Variants in PSMA7 observed in about 807,000 individuals in gnomAD.
The protein encoded by PSMA7 is proteasome 20S subunit alpha 7.
In PSMA7, 5 loss-of-function variants were observed where a neutral mutation model predicts 31.3. The ratio of observed to expected loss-of-function variants is 0.16; its 90% CI spans 0.08 to 0.34. The LOEUF is 0.34. Among genes scored for constraint, PSMA7 ranks in the 10% least tolerant of loss-of-function variants. PSMA7 has a pLI of 1.00. For synonymous variants in PSMA7, 155 were observed against 121.9 expected (o/e 1.27, Z -1.79); for missense variants, 217 against 327.5 (o/e 0.66, Z 2.60).
chr20:62,142,804 C>A (rs982080899), intron 1 of PSMA7, among the ~76,000 whole-genome samples: 1 of 152,050 alleles, frequency 6.6e-6, no homozygotes, highest in Non-Finnish European at 1.5e-5. Context: ...AGCCCCCCAG[C>A]GAGCGCACGG....
At position 62,137,444 on chromosome 20, in the gene PSMA7, CAGG is replaced by C. The variant is rs1240480633; in HGVS notation, c.592-21_592-19del. On this transcript the variant is annotated intron_variant, in intron 5 of 6. Transcript: ENST00000370873. ...TGAACCACCTTGAAGGGACAGAAGACAGGAGCATTAACCACCTTTCCCTATTCA... is the reference window on the plus strand; with the variant it reads ...TGAACCACCTTGAAGGGACAGAAGACAGCATTAACCACCTTTCCCTATTCA... 1.2e-6 allele frequency: 2 copies of C among 1,613,388 alleles called. No homozygotes were observed. The highest frequency in any genetic ancestry group is 2.2e-5 in the South Asian group (2 of 91,056).
At position 62,139,778 on chromosome 20, in the gene PSMA7, C is replaced by T. The variant is rs1248779506; in HGVS notation, c.348+3G>A. The T allele has an allele frequency of 1.2e-6, 2 of 1,613,956 alleles. No individual in the cohort carries two copies. Among genetic ancestry groups the T allele is most frequent in the South Asian group, 1.1e-5 (1 of 91,090 alleles). On this transcript the variant is annotated splice_donor_region_variant and intron_variant, in intron 3 of 6. Coordinates refer to ENST00000370873, the MANE Select transcript of PSMA7 (RefSeq NM_002792.4). ...GTGAGCATGCAAGCGGGCAGGCACC[C>T]ACCTGCTTCAGACTGGCGATGTAGC...
In PSMA7 at chr20:62,136,881, C is replaced by T. The variant is rs769116403; in HGVS notation, c.723G>A (p.Lys241=). 58 of 1,599,076 alleles carry T rather than the reference C, an allele frequency of 3.6e-5. No individual in the cohort carries two copies. Among genetic ancestry groups the T allele is most frequent in the Non-Finnish European group, 4.6e-5 (54 of 1,174,994 alleles). The change falls in exon 7 of 7, where the codon AAG becomes AAA. Residue 241 remains lysine, a synonymous_variant. Coordinates refer to ENST00000370873, the MANE Select transcript of PSMA7 (RefSeq NM_002792.4). ...EIEKEKEENE[K]KKQKKAS is the part of the protein sequence containing the mutation. ...ATCATGATGCTTTCTTTTGTTTCTT[C>T]TTTTCGTTTTCTTCTTTTTCTTTTT...
At chr20:62,139,973 T>C (rs1284212800) in intron 2 of PSMA7, 68 bp from the exon 3 acceptor site, 23 of 1,556,526 alleles carry the variant, frequency 1.5e-5, no homozygotes, top group Non-Finnish European at 1.8e-5. Context: ...ACAGACACGA[T>C]GACCCAGCAT....
In PSMA7 at chr20:62,143,256, G is replaced by T; in HGVS notation, c.48C>A (p.Leu16=). Residue 16 remains leucine (L), a synonymous_variant, in exon 1 of 7, where the codon CTC becomes CTA. Transcript: ENST00000370873. The part of the protein sequence containing the change: ...AITVFSPDGH[L]FQVEYAQEAV... The stretch of plus-strand genomic sequence containing the variant: ...CCTCCTGCGCGTACTCCACTTGGAA[G>T]AGGTGGCCGTCGGGCGAGAAGACGG... 6.8e-7 allele frequency: 1 copy of T among 1,480,306 alleles called. No homozygotes were observed. Among genetic ancestry groups the T allele is most frequent in the East Asian group, 3.0e-5 (1 of 33,304 alleles). The allele number at this position is 1,480,306 out of a possible 1,614,324, so 91.7% of individuals were successfully genotyped here. A position where few individuals can be genotyped will look rare whatever the true frequency, so the allele number is the denominator to read the frequency against.
chr20:62,139,525 G>T, intron 3 of PSMA7: 1 of 719,956 alleles, frequency 1.4e-6, no homozygotes, highest in Non-Finnish European at 2.3e-6. Context: ...TGGTCACTCA[G>T]GATGGCAAGA....
intron 5 of PSMA7, among the ~76,000 whole-genome samples, chr20:62,137,767 T>C (rs573413904): frequency 3.3e-5 from 5 of 152,192 alleles, no homozygotes; most frequent in Non-Finnish European, 7.4e-5. Context: ...TTTTACCTGC[T>C]AGCACTTCAA....
In PSMA7 at chr20:62,139,976, C is replaced by T. The variant is rs1197291615; in HGVS notation, c.224-71G>A. 5.2e-6 allele frequency: 8 copies of T among 1,550,210 alleles called. No individual in the cohort carries two copies. The East Asian group carries it at 1.6e-4, about 31-fold the overall frequency. ...TACAGGGTGGGGACAGACACGATGA[C>T]CCAGCATTTAACCTTCCACAGACCC... On this transcript the variant is annotated intron_variant, in intron 2 of 6. Transcript: ENST00000370873.
Position 62,140,735 on chromosome 20 carries a change from C to T in PSMA7, c.223+83G>A. 4 of 1,509,638 alleles carry T rather than the reference C, an allele frequency of 2.6e-6. No individual in the cohort carries two copies. The South Asian group carries it at 4.8e-5, about 18-fold the overall frequency. 93.5% of individuals were successfully genotyped at this position (1,509,638 alleles called of 1,614,324 possible). A position where few individuals can be genotyped will look rare whatever the true frequency, so the allele number is the denominator to read the frequency against. On this transcript the variant is annotated intron_variant, in intron 2 of 6. Transcript: ENST00000370873. ...ACTCAGTTTATATGGCTCACAATAG[C>T]CCACACACCCAAGTTAATCTCCAAA...
chr20:62,138,630 C>T (rs1304437838), intron 4 of PSMA7, among the ~76,000 whole-genome samples: 1 of 149,180 alleles, frequency 6.7e-6, no homozygotes, highest in African/African-American at 2.5e-5. Flanking sequence ...TCTCGGCTCA[C>T]TGCAACCTAT....
rs543216516 is a variant in PSMA7 at position 62,143,244 on chromosome 20, C to T, written c.60G>A (p.Glu20=). The T allele has an allele frequency of 5.4e-6, 8 of 1,476,782 alleles. No individual in the cohort carries two copies. Among genetic ancestry groups the T allele is most frequent in the African/African-American group, 4.4e-5 (3 of 67,682 alleles). 91.5% of individuals were successfully genotyped at this position (1,476,782 alleles called of 1,614,324 possible). A position where few individuals can be genotyped will look rare whatever the true frequency, so the allele number is the denominator to read the frequency against. Residue 20 remains glutamate, a synonymous_variant, in exon 1 of 7, where the codon GAG becomes GAA. Coordinates refer to ENST00000370873, the MANE Select transcript of PSMA7 (RefSeq NM_002792.4). ...CCTTCTTGACGGCCTCCTGCGCGTA[C>T]TCCACTTGGAAGAGGTGGCCGTCGG... The part of the protein sequence containing the change: ...FSPDGHLFQV[E]YAQEAVKKGS...
chr20:62,140,259 G>A (rs936236109), intron 2 of PSMA7, among the ~76,000 whole-genome samples: 1 of 152,238 alleles, frequency 6.6e-6, no homozygotes, highest in Admixed American at 6.5e-5. Context: ...TGCATATGAA[G>A]AATTGTGTAC....
intron 6 of PSMA7, 96 bp from the exon 7 acceptor site, chr20:62,137,045 C>G: frequency 6.8e-7 from 1 of 1,479,356 alleles, no homozygotes; most frequent in Non-Finnish European, 9.2e-7. Flanking sequence ...GGCACTGCTG[C>G]TCATACAGCC....
chr20:62,137,254 G>T, intron 6 of PSMA7, 110 bp downstream of exon 6: 2 of 1,180,236 alleles, frequency 1.7e-6, no homozygotes, highest in Non-Finnish European at 2.5e-6. Context: ...TTTTCCTAAT[G>T]TTAAAACCAC....
chr20:62,137,866 C>T lies in PSMA7; in HGVS notation c.591+305G>A, dbSNP rs555335766. ...GCCTCTGGAAGGCCTAGTGATGGCT[C>T]GAGAACAGATTCCACAGCTGGACAG... On this transcript the variant is annotated intron_variant, in intron 5 of 6. Transcript: ENST00000370873. Among the ~76,000 whole-genome samples the T allele has an allele frequency of 3.4e-4, 52 of 152,332 alleles. 2 individuals are homozygous for T. In the South Asian group the frequency reaches 8.9e-3, roughly 26 times the overall value.
In PSMA7 at chr20:62,141,452, G is replaced by T. The variant is rs538803585; in HGVS notation, c.97-508C>A. On this transcript the variant is annotated intron_variant, in intron 1 of 6. Coordinates refer to ENST00000370873, the MANE Select transcript of PSMA7 (RefSeq NM_002792.4). The stretch of plus-strand genomic sequence containing the variant: ...TGGCACCACATCCTGCAAACCCAGG[G>T]GTATTCATCTACTGCTGGTAGAGCT... Among the ~76,000 whole-genome samples, 8 of 152,292 alleles carry T rather than the reference G, an allele frequency of 5.3e-5. No individual in the cohort carries two copies. The East Asian group carries it at 1.5e-3, about 29-fold the overall frequency.
chr20:62,140,828 C>T lies in PSMA7; in HGVS notation c.213G>A (p.Met71Ile). Reference sequence around the variant, plus strand: ...CCCACCGACTCATACCTGCAAAGGCCATGCAGACGTTGTCATCCAAAGCAC... The same window carrying T: ...CCCACCGACTCATACCTGCAAAGGCTATGCAGACGTTGTCATCCAAAGCAC... ...KICALDDNVC[M>I]AFAGLTADAR... The change falls in exon 2 of 7, where the codon ATG becomes ATA. Residue 71 changes from methionine (M) to isoleucine (I), a missense_variant. By Grantham distance (10) the Met-to-Ile change is conservative (BLOSUM62 1). Around this residue, in one of 3 missense-constraint regions of PSMA7, gnomAD observed 76 missense variants for 96.5 expected, o/e 0.79. Coordinates refer to ENST00000370873, the MANE Select transcript of PSMA7 (RefSeq NM_002792.4). The T allele has an allele frequency of 6.2e-7, 1 of 1,614,218 alleles. No individual in the cohort carries two copies. The highest frequency in any genetic ancestry group is 1.3e-5 in the African/African-American group (1 of 75,064).
rs781257795 is a variant in PSMA7, at chr20:62,136,834, T to G, written c.*23A>C. On this transcript the variant is annotated 3_prime_UTR_variant, in exon 7 of 7. Coordinates refer to ENST00000370873, the MANE Select transcript of PSMA7 (RefSeq NM_002792.4). ...CCATGATTGATATGAATTTAAAAAT[T>G]ACAAGCAAAGACATTTTATTCATCA... 6.3e-7 allele frequency: 1 copy of G among 1,584,372 alleles called. No homozygotes were observed. The highest frequency in any genetic ancestry group is 1.2e-5 in the South Asian group (1 of 85,654).
chr20:62,141,714 G>A (rs1346200362), intron 1 of PSMA7, among the ~76,000 whole-genome samples: 1 of 152,126 alleles, frequency 6.6e-6, no homozygotes, highest in Admixed American at 6.5e-5. Flanking sequence ...ACTGTTTCCT[G>A]CACTGTGACA....
Sources: allele counts gnomAD v4.1 joint callset (sites outside exome capture counted in the v4.1 genomes callset), GRCh38; gene constraint gnomAD v4.1.1; regional missense constraint gnomAD v4.1.1; transcripts MANE v1.5; gene names NCBI Gene and HGNC (gene_info 2026-07-23, HGNC 2026-07-21).